RELN: variants seen among roughly 807,000 people sequenced by gnomAD.
The protein encoded by RELN is reelin.
Under a neutral mutation model 427.6 loss-of-function variants are expected in RELN, and 108 were observed. The observed-to-expected ratio is 0.25, with a 90% CI of 0.22 to 0.30. RELN has a LOEUF of 0.30. Ranked by LOEUF, RELN falls within the 10% of genes least tolerant of loss-of-function variation. The pLI is 1.00. For synonymous variants in RELN, 1,524 were observed against 1,513.4 expected (o/e 1.01, Z -0.16); for missense variants, 3,715 against 4,302.8 (o/e 0.86, Z 3.82).
chr7:103,574,433 C>G (rs1423227693), intron 29 of RELN, 134 bp from the exon 30 acceptor site: 1 of 759,968 alleles, frequency 1.3e-6, no homozygotes, highest in African/African-American at 1.7e-5. Context: ...AAATTTGTAT[C>G]TCACAACTGT....
At chr7:103,697,747 T>C in intron 10 of RELN, 106 bp downstream of exon 10, 2 of 1,498,334 alleles carry the variant, frequency 1.3e-6, no homozygotes, top group Non-Finnish European at 1.8e-6. Flanking sequence ...CCTTTAATAG[T>C]GGTTTTGGTA....
At position 103,535,288 on chromosome 7, in the gene RELN, TGTG is replaced by T. The variant is rs750239794; in HGVS notation, c.7349+25_7349+27del. ...TTTGGGCTCACTATACGTAGAAGCATGTGGTGAACATGTAGAAGCATTCTTACC... is the reference window on the plus strand; with the variant it reads ...TTTGGGCTCACTATACGTAGAAGCATGTGAACATGTAGAAGCATTCTTACC... On this transcript the variant is annotated intron_variant, in intron 46 of 64. Coordinates refer to ENST00000428762, the MANE Select transcript of RELN (RefSeq NM_005045.4). 5.0e-6 allele frequency: 8 copies of T among 1,609,054 alleles called. No individual in the cohort carries two copies. In the Admixed American group the frequency reaches 1.3e-4, roughly 27 times the overall value.
At chr7:103,821,167 T>C (rs1036236115) in intron 3 of RELN, among the ~76,000 whole-genome samples, 1 of 152,148 alleles carries the variant, frequency 6.6e-6, no homozygotes, top group Admixed American at 6.6e-5. Flanking sequence ...CATTACAGAC[T>C]AGGAAAATGA....
chr7:103,513,293 C>CAGAT (rs1233323793), intron 50 of RELN: 1 of 152,138 alleles, frequency 6.6e-6, no homozygotes, highest in East Asian at 1.9e-4. Context: ...TTTTGCAAGA[C>CAGAT]AGATAGGAGC....
chr7:103,702,080 T>A (rs1452834029), intron 8 of RELN, among the ~76,000 whole-genome samples: 2 of 152,176 alleles, frequency 1.3e-5, no homozygotes, highest in African/African-American at 4.8e-5. Flanking sequence ...AAAATGTAAG[T>A]GAAAAAGCAT....
chr7:103,554,855 C>A (rs1404700079), intron 38 of RELN, among the ~76,000 whole-genome samples: 3 of 152,130 alleles, frequency 2.0e-5, no homozygotes, highest in Non-Finnish European at 2.9e-5. Context: ...TCAGTCTATT[C>A]AGGGAGCAAT....
chr7:103,813,966 A>G (rs1365390208), intron 3 of RELN, among the ~76,000 whole-genome samples: 4 of 152,138 alleles, frequency 2.6e-5, no homozygotes, highest in Non-Finnish European at 4.4e-5. Flanking sequence ...CATGGACCCC[A>G]CATGACGGTA....
intron 3 of RELN, among the ~76,000 whole-genome samples, chr7:103,777,827 T>C (rs943738265): frequency 6.6e-6 from 1 of 151,714 alleles, no homozygotes; most frequent in African/African-American, 2.4e-5. Flanking sequence ...TGTTGAAGTG[T>C]TAATGGGTGA....
At chr7:103,903,368 G>T (rs1488268331) in intron 2 of RELN, among the ~76,000 whole-genome samples, 2 of 151,476 alleles carry the variant, frequency 1.3e-5, no homozygotes, top group Non-Finnish European at 2.9e-5. Context: ...CTTCATTTAC[G>T]GAAACTTATG....
chr7:103,926,589 C>A (rs192766273), intron 1 of RELN, among the ~76,000 whole-genome samples: 18 of 146,198 alleles, frequency 1.2e-4, no homozygotes, highest in Middle Eastern at 3.9e-3. Context: ...ATTCCTAATA[C>A]ACATAGTTAA....
intron 42 of RELN, among the ~76,000 whole-genome samples, chr7:103,544,275 G>T (rs1830239633): frequency 8.5e-6 from 1 of 117,270 alleles, no homozygotes; most frequent in African/African-American, 3.4e-5. Flanking sequence ...GTCTCGCTCT[G>T]TCGCCCAGGC....
intron 12 of RELN, among the ~76,000 whole-genome samples, chr7:103,659,766 G>A (rs1247548781): frequency 6.6e-6 from 1 of 152,102 alleles, no homozygotes; most frequent in Admixed American, 6.6e-5. Context: ...GATATACTGA[G>A]TCTAAATATT....
chr7:103,973,596 G>C (rs577049751), intron 1 of RELN, among the ~76,000 whole-genome samples: 2 of 151,968 alleles, frequency 1.3e-5, no homozygotes, highest in African/African-American at 4.8e-5. Context: ...CAAAAATATT[G>C]ATCATAACGT....
At chr7:103,949,159 T>C (rs1050528316) in intron 1 of RELN, among the ~76,000 whole-genome samples, 4 of 151,804 alleles carry the variant, frequency 2.6e-5, no homozygotes, top group Non-Finnish European at 5.9e-5. Context: ...GTTTAAAAAG[T>C]TTTAATTCTC....
intron 8 of RELN, among the ~76,000 whole-genome samples, chr7:103,711,900 C>G (rs939810583): frequency 2.0e-5 from 3 of 152,126 alleles, no homozygotes; most frequent in Non-Finnish European, 4.4e-5. Context: ...CTCAAGTGAT[C>G]CACCTGCCTT....
intron 2 of RELN, among the ~76,000 whole-genome samples, chr7:103,891,961 G>A (rs948604153): frequency 6.6e-6 from 1 of 152,074 alleles, no homozygotes; most frequent in African/African-American, 2.4e-5. Context: ...TCGTATGTAG[G>A]GTAAGAGGAA....
At chr7:103,883,562 G>A (rs1563069702) in intron 2 of RELN, among the ~76,000 whole-genome samples, 3 of 152,194 alleles carry the variant, frequency 2.0e-5, no homozygotes, top group African/African-American at 4.8e-5. Context: ...ATCTCCTTAA[G>A]CTGATAAGTA....
rs1347528572 is a variant in RELN, at chr7:103,640,869, T to C, written c.2003-260A>G. Among the ~76,000 whole-genome samples the C allele has an allele frequency of 1.3e-5, 2 of 152,200 alleles. No individual in the cohort carries two copies. The highest frequency in any genetic ancestry group is 2.9e-5 in the Non-Finnish European group (2 of 68,018). ...AGGAGCTTATGATTTGAATTCTTAA[T>C]AGAGTCTATTAGACAATATTAGCGC... On this transcript the variant is annotated intron_variant, in intron 16 of 64. Coordinates refer to ENST00000428762, the MANE Select transcript of RELN (RefSeq NM_005045.4). This position sits in a 1 kb window ranked among gnomAD's most constrained non-coding sequence, Gnocchi z 4.1.
chr7:103,488,463 A>C (rs1325670435), intron 60 of RELN, among the ~76,000 whole-genome samples: 1 of 152,218 alleles, frequency 6.6e-6, no homozygotes, highest in Non-Finnish European at 1.5e-5. Flanking sequence ...AGCCGGTCTC[A>C]GTGACAATGA....
Sources: allele counts gnomAD v4.1 joint callset (sites outside exome capture counted in the v4.1 genomes callset), GRCh38; gene constraint gnomAD v4.1.1; non-coding constraint Gnocchi (gnomAD v3.1); transcripts MANE v1.5; gene names NCBI Gene and HGNC (gene_info 2026-07-23, HGNC 2026-07-21).